Variants in TCF3 observed in about 807,000 individuals in gnomAD.
TCF3 encodes the protein transcription factor 3.
A neutral mutation model predicts 72.3 loss-of-function variants in TCF3; 54 were observed. The ratio of observed to expected loss-of-function variants is 0.75; its 90% confidence interval spans 0.60 to 0.94. The LOEUF (loss-of-function observed/expected upper bound fraction) is 0.94. TCF3 is among the 40% of genes least tolerant of loss of function. The probability of loss-of-function intolerance (pLI) is 0.00; values close to 1 mark genes in which losing one functional copy is unlikely to be tolerated. For missense variants in TCF3, 1,078 were observed against 934.4 expected (o/e 1.15, Z -2.00); for synonymous variants, 525 against 412.6 (o/e 1.27, Z -3.30).
At chr19:1,652,032 C>CG (rs2067186595) in intron 1 of TCF3, among the ~76,000 whole-genome samples, 1 of 150,150 alleles carries the variant, frequency 6.7e-6, no homozygotes, top group South Asian at 2.1e-4. Context: ...CGCCCCCGCC[C>CG]GGGGCTGCTT....
chr19:1,618,628 CCCT>C (rs1300943697), intron 16 of TCF3, among the ~76,000 whole-genome samples: 3 of 152,050 alleles, frequency 2.0e-5, no homozygotes, highest in Non-Finnish European at 4.4e-5. Context: ...CTGCCTGAAA[CCCT>C]CCTCCTCCAG....
chr19:1,615,546 C>T lies in TCF3; in HGVS notation c.1587-26G>A. 1.2e-6 allele frequency: 2 copies of T among 1,604,854 alleles called. No homozygotes were observed. The highest frequency in any genetic ancestry group is 1.7e-4 in the Middle Eastern group (1 of 6,060). Reference sequence around the variant, plus strand: ...CTATGGGGAGGGCGCCGGGAGGGGGCCAGAGGGAGACAGTGAGGTTGGGGG... The same window carrying T: ...CTATGGGGAGGGCGCCGGGAGGGGGTCAGAGGGAGACAGTGAGGTTGGGGG... On this transcript the variant is annotated intron_variant, in intron 17 of 18. Coordinates refer to ENST00000262965, the MANE Select transcript of TCF3 (RefSeq NM_003200.5). The surrounding 1 kb of genome is among the most constrained non-coding windows in gnomAD (Gnocchi z 7.3).
chr19:1,648,830 G>T (rs975698315), intron 2 of TCF3, among the ~76,000 whole-genome samples: 1 of 141,422 alleles, frequency 7.1e-6, no homozygotes, highest in African/African-American at 2.6e-5. Context: ...GGGGGGGGGG[G>T]GAGCAGAATT....
In TCF3 at chr19:1,615,801, T is replaced by A; in HGVS notation, c.1471A>T (p.Thr491Ser). 6.4e-7 allele frequency: 1 copy of A among 1,572,594 alleles called. No homozygotes were observed. Among genetic ancestry groups the A allele is most frequent in the East Asian group, 2.3e-5 (1 of 44,374 alleles). The part of the protein sequence containing the change: ...SYSGLGRAGA[T>S]AAASEIKREE... ...CGCTTGATCTCGCTGGCGGCCGCCG[T>A]GGCACCTGCTCGCCCTAGCCCTGCA... Residue 491 changes from threonine (T) to serine (S), a missense_variant, in exon 17 of 19, where the codon ACG becomes TCG. Thr to Ser is a moderately conservative substitution (Grantham distance 58). Transcript: ENST00000262965. This position sits in a 1 kb window ranked among gnomAD's most constrained non-coding sequence, Gnocchi z 7.3.
At position 1,625,671 on chromosome 19, in the gene TCF3, G is replaced by A. The variant is rs1167586863; in HGVS notation, c.404C>T (p.Pro135Leu). 2 of 1,525,852 alleles carry A rather than the reference G, an allele frequency of 1.3e-6. No homozygotes were observed. Among genetic ancestry groups the A allele is most frequent in the Non-Finnish European group, 1.7e-6 (2 of 1,143,556 alleles). 94.5% of individuals were successfully genotyped at this position (1,525,852 alleles called of 1,614,324 possible). A position where few individuals can be genotyped will look rare whatever the true frequency, so the allele number is the denominator to read the frequency against. The change falls in exon 7 of 19, where the codon CCC becomes CTC. Residue 135 changes from proline (P) to leucine (L), a missense_variant. Pro to Leu is a moderately conservative substitution (Grantham distance 98). Transcript: ENST00000262965. ...FLSGELALNS[P>L]GPLSPSGMKG... Reference sequence around the variant, plus strand: ...CATGCCCGAAGGGGACAGGGGCCCGGGGCTGTTGAGGGCCAGCTCGCCTGA... The same window carrying A: ...CATGCCCGAAGGGGACAGGGGCCCGAGGCTGTTGAGGGCCAGCTCGCCTGA...
intron 6 of TCF3, 65 bp downstream of exon 6, chr19:1,627,276 GGAGAGCTTCTGCAGATCA>G: frequency 9.4e-7 from 1 of 1,068,124 alleles, no homozygotes; most frequent in Non-Finnish European, 1.3e-6. Flanking sequence ...AGCTAAGCCA[GGAGAGCTTCTGCAGATCA>G]GAGAGGGTGG....
At chr19:1,632,888 T>A (rs2063881235) in intron 3 of TCF3, among the ~76,000 whole-genome samples, 1 of 152,216 alleles carries the variant, frequency 6.6e-6, no homozygotes, top group African/African-American at 2.4e-5. Flanking sequence ...AGGGTCTCCC[T>A]GTCCCCACCT....
intron 5 of TCF3, 146 bp from the exon 6 acceptor site, chr19:1,627,572 CCA>C (rs1477905740): frequency 7.1e-6 from 5 of 707,234 alleles, no homozygotes; most frequent in South Asian, 1.8e-5. Flanking sequence ...GAGCCTGACC[CCA>C]GTGTGCCCAT....
chr19:1,630,683 G>T (rs1237440689), intron 5 of TCF3, among the ~76,000 whole-genome samples: 1 of 152,228 alleles, frequency 6.6e-6, no homozygotes, highest in African/African-American at 2.4e-5. Context: ...GAGAAGGGAA[G>T]GATCCCGCAT....
At chr19:1,618,265 G>A (rs2061755416) in intron 16 of TCF3, among the ~76,000 whole-genome samples, 1 of 152,062 alleles carries the variant, frequency 6.6e-6, no homozygotes, top group Admixed American at 6.5e-5. Flanking sequence ...CCCGCCTTCA[G>A]GAGATGCAGG....
At chr19:1,650,662 G>A (rs1275998261) in intron 1 of TCF3, 2 of 241,942 alleles carry the variant, frequency 8.3e-6, no homozygotes, top group Non-Finnish European at 1.6e-5. Flanking sequence ...ACCAACCCCG[G>A]GCTTCCTCTG....
chr19:1,623,151 G>A (rs892665954), intron 8 of TCF3, among the ~76,000 whole-genome samples: 1 of 152,086 alleles, frequency 6.6e-6, no homozygotes. Flanking sequence ...CTGGAGGGGT[G>A]AGGAGATGTA....
intron 1 of TCF3, 78 bp from the exon 2 acceptor site, chr19:1,650,365 G>T: frequency 1.8e-6 from 2 of 1,134,122 alleles, no homozygotes; most frequent in South Asian, 1.5e-5. Context: ...AAAGCACAGA[G>T]TGCTAAAAGC....
intron 8 of TCF3, 27 bp downstream of exon 8, chr19:1,623,924 G>A: frequency 1.2e-6 from 2 of 1,612,060 alleles, no homozygotes; most frequent in Non-Finnish European, 1.7e-6. Flanking sequence ...ACGAGCTGTG[G>A]GGTCCCTTCT....
chr19:1,611,639 C>A lies in TCF3; in HGVS notation c.*68G>T. On this transcript the variant is annotated 3_prime_UTR_variant, in exon 19 of 19. Coordinates refer to ENST00000262965, the MANE Select transcript of TCF3 (RefSeq NM_003200.5). ...TGGATGTGGATGAAGCCCGGGGTCT[C>A]GAGTGGCCGTTCTGGGGCCAGAGCA... 6.4e-7 allele frequency: 1 copy of A among 1,554,752 alleles called. No homozygotes were observed. Among genetic ancestry groups the A allele is most frequent in the Non-Finnish European group, 8.7e-7 (1 of 1,148,334 alleles).
intron 2 of TCF3, among the ~76,000 whole-genome samples, chr19:1,647,086 G>C (rs984141432): frequency 1.3e-5 from 2 of 152,198 alleles, no homozygotes; most frequent in East Asian, 1.9e-4. Flanking sequence ...CAGGAAGCTG[G>C]AGGGGCTGGG....
chr19:1,619,665 T>C, intron 14 of TCF3, 115 bp downstream of exon 14: 1 of 1,282,462 alleles, frequency 7.8e-7, no homozygotes, highest in Non-Finnish European at 1.1e-6. Flanking sequence ...GAGGCCTCAA[T>C]AACAGCTTGG....
At chr19:1,650,532 G>GA (rs2066856417) in intron 1 of TCF3, 6 of 408,578 alleles carry the variant, frequency 1.5e-5, no homozygotes, top group Non-Finnish European at 2.2e-5. Flanking sequence ...AAAATGGGGG[G>GA]AGGGTGTGCA....
chr19:1,649,428 G>A (rs2066651669), intron 2 of TCF3, among the ~76,000 whole-genome samples: 2 of 100,408 alleles, frequency 2.0e-5, no homozygotes, highest in Non-Finnish European at 4.7e-5. Context: ...TTACTTCTTT[G>A]AGGAAGGATC....
Sources: gnomAD v4.1 joint callset for allele counts (sites outside exome capture counted in the v4.1 genomes callset) on GRCh38, gnomAD v4.1.1 for gene constraint, Gnocchi (gnomAD v3.1) non-coding constraint, MANE v1.5 for transcripts, NCBI Gene and HGNC (gene_info 2026-07-23, HGNC 2026-07-21) for gene names.